The following B3GLCT variants were observed in gnomAD, a reference collection of about 807,000 sequenced individuals.
The protein encoded by B3GLCT is beta-1,3-glucosyltransferase.
A neutral mutation model predicts 63.4 loss-of-function variants in B3GLCT; 65 were observed. The observed-to-expected ratio is 1.03, with a 90% confidence interval of 0.84 to 1.26. B3GLCT has a LOEUF of 1.26. Ranked by LOEUF, B3GLCT falls within the 50% of genes most tolerant of loss-of-function variation. The pLI is 0.00. For synonymous variants in B3GLCT, 233 were observed against 219.2 expected, an observed-to-expected ratio of 1.06 and a Z score of -0.55; for missense variants, 577 against 604.8, an observed-to-expected ratio of 0.95 and a Z score of 0.48.
At chr13:31,298,578 A>T (rs551773303) in intron 12 of B3GLCT, among the ~76,000 whole-genome samples, 1 of 152,182 alleles carries the variant, frequency 6.6e-6, no homozygotes, top group African/African-American at 2.4e-5. Flanking sequence ...ATTTCCCTCA[A>T]TTTATAACCC....
chr13:31,295,769 G>A (rs903023526), intron 12 of B3GLCT, among the ~76,000 whole-genome samples: 3 of 152,158 alleles, frequency 2.0e-5, no homozygotes, highest in East Asian at 1.9e-4. Flanking sequence ...GGTGGGGTTC[G>A]CTGAGCTAGA....
intron 1 of B3GLCT, among the ~76,000 whole-genome samples, chr13:31,204,206 G>C (rs1868823022): frequency 6.6e-6 from 1 of 152,190 alleles, no homozygotes; most frequent in South Asian, 2.1e-4. Flanking sequence ...GATCTCAACA[G>C]GGAGCCATCT....
rs574515253 is a variant in B3GLCT, at chr13:31,242,563, G to T, written c.271-4460G>T. Among the ~76,000 whole-genome samples, 13 of 152,336 alleles carry T rather than the reference G, an allele frequency of 8.5e-5. No individual in the cohort carries two copies. The South Asian group carries it at 2.7e-3, about 32-fold the overall frequency. ...GTCATCTCACATGAGAGAATGAGGT[G>T]GCAGAGCCACAACTAGGATAAGAAA... On this transcript the variant is annotated intron_variant, in intron 4 of 14. Transcript: ENST00000343307.
intron 6 of B3GLCT, among the ~76,000 whole-genome samples, chr13:31,248,381 A>C (rs1871286780): frequency 6.6e-6 from 1 of 152,238 alleles, no homozygotes; most frequent in South Asian, 2.1e-4. Flanking sequence ...AGGCTAGAAC[A>C]AAACAGACAG....
intron 1 of B3GLCT, among the ~76,000 whole-genome samples, chr13:31,212,942 A>G (rs1869347073): frequency 6.7e-6 from 1 of 150,190 alleles, no homozygotes; most frequent in African/African-American, 2.4e-5. Context: ...AAAATTAAGT[A>G]CCCAGAAGCA....
intron 1 of B3GLCT, among the ~76,000 whole-genome samples, chr13:31,211,065 C>A (rs961592477): frequency 6.6e-6 from 1 of 152,102 alleles, no homozygotes; most frequent in Non-Finnish European, 1.5e-5. Context: ...TTGATGATTT[C>A]TTTTGATTTA....
intron 6 of B3GLCT, among the ~76,000 whole-genome samples, chr13:31,255,514 A>G (rs932411229): frequency 1.3e-5 from 2 of 152,230 alleles, no homozygotes; most frequent in East Asian, 1.9e-4. Flanking sequence ...AGCAAAAAGA[A>G]CAAAGCTGGA....
At chr13:31,286,388 C>T (rs938876384) in intron 11 of B3GLCT, among the ~76,000 whole-genome samples, 1 of 152,202 alleles carries the variant, frequency 6.6e-6, no homozygotes, top group Non-Finnish European at 1.5e-5. Context: ...TTGCTCATTG[C>T]TGTGAGTCTT....
At chr13:31,264,555 T>A (rs1391013822) in intron 7 of B3GLCT, among the ~76,000 whole-genome samples, 1 of 152,202 alleles carries the variant, frequency 6.6e-6, no homozygotes, top group East Asian at 1.9e-4. Flanking sequence ...TAGATCATAT[T>A]TCCTTTCCCC....
intron 12 of B3GLCT, among the ~76,000 whole-genome samples, chr13:31,309,823 A>G (rs1664471012): frequency 6.6e-6 from 1 of 152,188 alleles, no homozygotes; most frequent in Non-Finnish European, 1.5e-5. Flanking sequence ...TTGAACAAGA[A>G]GCCCATGTTC....
In B3GLCT at chr13:31,297,804, G is replaced by A. The variant is rs546118239; in HGVS notation, c.1064+10985G>A. Among the ~76,000 whole-genome samples the A allele has an allele frequency of 1.4e-4, 21 of 152,250 alleles. No homozygotes were observed. In the East Asian group the frequency reaches 3.9e-3, roughly 28 times the overall value. ...CTGTGGGTTTATTTAATTTGCTAGA[G>A]TGGCTCTCAGAACTCAGGGAAATAC... On this transcript the variant is annotated intron_variant, in intron 12 of 14. Transcript: ENST00000343307.
intron 4 of B3GLCT, among the ~76,000 whole-genome samples, chr13:31,231,317 G>A (rs1870370022): frequency 6.6e-6 from 1 of 152,188 alleles, no homozygotes; most frequent in Admixed American, 6.5e-5. Flanking sequence ...CAGAACCACA[G>A]TTAGGCATCC....
At chr13:31,323,681 GGGCCCA>G in intron 13 of B3GLCT, 64 bp from the exon 14 acceptor site, 1 of 1,576,738 alleles carries the variant, frequency 6.3e-7, no homozygotes, top group Non-Finnish European at 8.7e-7. Context: ...CTGTTTCCCG[GGGCCCA>G]TTTGTGCAGC....
chr13:31,240,049 T>C (rs1366679943), intron 4 of B3GLCT, among the ~76,000 whole-genome samples: 2 of 152,078 alleles, frequency 1.3e-5, no homozygotes, highest in Non-Finnish European at 2.9e-5. Flanking sequence ...GGACAGTGTT[T>C]AGAATTAAGG....
At chr13:31,278,758 G>A (rs1274719644) in intron 10 of B3GLCT, among the ~76,000 whole-genome samples, 1 of 152,186 alleles carries the variant, frequency 6.6e-6, no homozygotes, top group Non-Finnish European at 1.5e-5. Flanking sequence ...CCAGTTACAA[G>A]GATAACATCA....
At chr13:31,321,020 C>T (rs533796969) in intron 13 of B3GLCT, among the ~76,000 whole-genome samples, 1 of 152,338 alleles carries the variant, frequency 6.6e-6, no homozygotes, top group African/African-American at 2.4e-5. Context: ...TGCCTATTTA[C>T]TTTTCTATTT....
intron 12 of B3GLCT, among the ~76,000 whole-genome samples, chr13:31,309,739 T>C (rs1009098406): frequency 3.3e-5 from 5 of 152,190 alleles, no homozygotes; most frequent in African/African-American, 1.2e-4. Context: ...CAGGAACTGT[T>C]CAAACCCTGT....
chr13:31,285,293 T>C (rs192621162), intron 11 of B3GLCT, among the ~76,000 whole-genome samples: 1 of 151,944 alleles, frequency 6.6e-6, no homozygotes, highest in East Asian at 1.9e-4. Context: ...ATGGTAGACA[T>C]TGGAGACTCC....
chr13:31,234,236 G>T (rs1593262242), intron 4 of B3GLCT, among the ~76,000 whole-genome samples: 4 of 152,078 alleles, frequency 2.6e-5, no homozygotes, highest in African/African-American at 9.7e-5. Context: ...TAGCCAGGAT[G>T]GTCTTGATCT....
Sources: allele counts gnomAD v4.1 joint callset (sites outside exome capture counted in the v4.1 genomes callset), GRCh38; gene constraint gnomAD v4.1.1; transcripts MANE v1.5; gene names NCBI Gene and HGNC (gene_info 2026-07-23, HGNC 2026-07-21).